Variants in SFI1 observed in about 807,000 individuals in gnomAD.
The protein encoded by SFI1 is SFI1 centrin binding protein.
A neutral mutation model predicts 207.5 loss-of-function variants in SFI1; 195 were observed. The observed-to-expected ratio is 0.94, with a 90% CI of 0.84 to 1.06. SFI1 has a LOEUF of 1.06. Among genes scored for constraint, SFI1 ranks in the 50% least tolerant of loss-of-function variants. The pLI is 0.00. For missense variants in SFI1, 1,634 were observed against 1,588.0 expected (o/e 1.03, Z -0.49); for synonymous variants, 630 against 598.9 (o/e 1.05, Z -0.76).
intron 4 of SFI1, among the ~76,000 whole-genome samples, chr22:31,540,799 C>T (rs535922174): frequency 1.2e-4 from 18 of 150,534 alleles, no homozygotes; most frequent in African/African-American, 4.2e-4. Context: ...CCAGGCCGGT[C>T]TCGGACTGCC....
intron 15 of SFI1, among the ~76,000 whole-genome samples, chr22:31,591,282 GGGTAA>G (rs767527894): frequency 4.3e-4 from 65 of 152,168 alleles, no homozygotes; most frequent in Non-Finnish European, 8.4e-4. Flanking sequence ...ACAGGGTTGG[GGGTAA>G]GGTCACAGAT....
chr22:31,546,803 G>T (rs2147900027), intron 4 of SFI1, 58 bp from the exon 5 acceptor site: 2 of 1,197,502 alleles, frequency 1.7e-6, no homozygotes, highest in East Asian at 5.1e-5. Context: ...ATGTGATTTG[G>T]GAAGAGATGT....
chr22:31,603,209 T>G (rs6518753), intron 17 of SFI1, among the ~76,000 whole-genome samples: 8,977 of 152,186 alleles, frequency 0.059, 245 homozygotes, highest in African/African-American at 0.066. Context: ...CTCCAGCCTG[T>G]GCAACAGAGC....
At chr22:31,596,765 C>G (rs1276665845) in intron 15 of SFI1, among the ~76,000 whole-genome samples, 1 of 123,264 alleles carries the variant, frequency 8.1e-6, no homozygotes, top group Non-Finnish European at 1.6e-5. Context: ...GCCTAGGTGA[C>G]AGAGCAAGAT....
At chr22:31,510,115 G>A (rs1261752500) in intron 2 of SFI1, among the ~76,000 whole-genome samples, 1 of 151,716 alleles carries the variant, frequency 6.6e-6, no homozygotes, top group Non-Finnish European at 1.5e-5. Flanking sequence ...CAGGTGTTGA[G>A]CGATAGTGCT....
Position 31,546,628 on chromosome 22 carries a change from C to CT in SFI1, c.339-213dup, listed in dbSNP as rs1023474233. ...AGGCACTGCGCCCGACCGATGTTTACTTTTTTTTTTTTTTTTTTTTAGTAG... is the reference window on the plus strand; with the variant it reads ...AGGCACTGCGCCCGACCGATGTTTACTTTTTTTTTTTTTTTTTTTTTAGTAG... On this transcript the variant is annotated intron_variant, in intron 4 of 32. Coordinates refer to ENST00000400288, the MANE Select transcript of SFI1 (RefSeq NM_001007467.3). Among the ~76,000 whole-genome samples, 940 of 120,192 alleles carry CT rather than the reference C, an allele frequency of 7.8e-3. 4 individuals carry two copies. The highest frequency in any genetic ancestry group is 0.015 in the East Asian group (61 of 4,132). 78.9% of individuals were successfully genotyped at this position (120,192 alleles called of 152,430 possible).
intron 12 of SFI1, among the ~76,000 whole-genome samples, chr22:31,582,206 T>TATATATATATATATATATATATATA (rs1569376507): frequency 8.2e-5 from 3 of 36,618 alleles, no homozygotes; most frequent in African/African-American, 1.2e-4. Flanking sequence ...TTATTACATT[T>TATATATATATATATATATATATATA]TATATATATA....
chr22:31,582,409 G>A (rs1231054074), intron 12 of SFI1, among the ~76,000 whole-genome samples: 2 of 149,352 alleles, frequency 1.3e-5, no homozygotes, highest in Non-Finnish European at 3.0e-5. Flanking sequence ...ACACCATCAC[G>A]CCTGGCCAAT....
chr22:31,576,385 A>C (rs890938484), intron 10 of SFI1, among the ~76,000 whole-genome samples: 1 of 151,304 alleles, frequency 6.6e-6, no homozygotes, highest in Non-Finnish European at 1.5e-5. Context: ...CAGTGGTGCC[A>C]TCTCAGCTTA....
chr22:31,578,253 AG>A, intron 10 of SFI1, 128 bp from the exon 11 acceptor site: 1 of 713,848 alleles, frequency 1.4e-6, no homozygotes, highest in Non-Finnish European at 2.2e-6. Context: ...GAGTAGACAG[AG>A]GTGGACCTCA....
intron 2 of SFI1, among the ~76,000 whole-genome samples, chr22:31,518,657 C>G (rs2056837026): frequency 6.6e-6 from 1 of 152,148 alleles, no homozygotes; most frequent in Admixed American, 6.6e-5. Flanking sequence ...GCTTACAAGG[C>G]TGACCCTTGG....
intron 6 of SFI1, among the ~76,000 whole-genome samples, chr22:31,556,144 T>A (rs2061135666): frequency 6.7e-6 from 1 of 150,254 alleles, no homozygotes; most frequent in Non-Finnish European, 1.5e-5. Flanking sequence ...AACAGCAAGT[T>A]TTATATCATG....
chr22:31,559,997 TAATA>T (rs1187603638), intron 7 of SFI1: 4 of 362,440 alleles, frequency 1.1e-5, no homozygotes, highest in East Asian at 1.2e-4. Flanking sequence ...ATAAATAAAG[TAATA>T]AATAAGTAAA....
chr22:31,598,041 G>A (rs1308049029), intron 15 of SFI1, among the ~76,000 whole-genome samples: 1 of 150,492 alleles, frequency 6.6e-6, no homozygotes, highest in African/African-American at 2.5e-5. Flanking sequence ...GCAGTGGCGT[G>A]ATCTTGGCTC....
intron 1 of SFI1, among the ~76,000 whole-genome samples, chr22:31,502,093 T>C (rs1294108950): frequency 6.6e-6 from 1 of 152,232 alleles, no homozygotes; most frequent in African/African-American, 2.4e-5. Context: ...ATTATCTTAC[T>C]TGTTCTTATG....
At chr22:31,617,853 G>A (rs896290681) in intron 31 of SFI1, among the ~76,000 whole-genome samples, 1 of 152,134 alleles carries the variant, frequency 6.6e-6, no homozygotes, top group Admixed American at 6.5e-5. Context: ...GCTCTGCACA[G>A]GGGGAGAGAG....
chr22:31,558,015 G>T (rs1460124098), intron 7 of SFI1, among the ~76,000 whole-genome samples: 2 of 152,146 alleles, frequency 1.3e-5, no homozygotes, highest in Non-Finnish European at 2.9e-5. Context: ...AACAAAGTAT[G>T]GATAATAGGA....
intron 15 of SFI1, among the ~76,000 whole-genome samples, chr22:31,593,160 G>A (rs1304743488): frequency 4.0e-5 from 6 of 150,586 alleles, no homozygotes; most frequent in Admixed American, 3.3e-4. Flanking sequence ...CTTCCCGGAC[G>A]GGGTGGCTGC....
chr22:31,618,436 C>T lies in SFI1; in HGVS notation c.*18C>T, dbSNP rs534722406. On this transcript the variant is annotated 3_prime_UTR_variant, in exon 33 of 33. Coordinates refer to ENST00000400288, the MANE Select transcript of SFI1 (RefSeq NM_001007467.3). ...TGTGCTAGCGTGTTCGCACCAGGAA[C>T]GCAGGTGCTGGGCTGTCGGGGAGGC... is the stretch of plus-strand genomic sequence containing the variant. 98 of 1,543,164 alleles carry T rather than the reference C, an allele frequency of 6.4e-5. No homozygotes were observed. The highest frequency in any genetic ancestry group is 9.5e-5 in the African/African-American group (7 of 73,318).
Sources: gnomAD v4.1 joint callset for allele counts (sites outside exome capture counted in the v4.1 genomes callset) on GRCh38, gnomAD v4.1.1 for gene constraint, MANE v1.5 for transcripts, NCBI Gene and HGNC (gene_info 2026-07-23, HGNC 2026-07-21) for gene names.